Variants in FGF22 observed in about 807,000 individuals in gnomAD.
FGF22 encodes fibroblast growth factor 22, also known as FGF-22.
Under a neutral mutation model 10.3 loss-of-function variants are expected in FGF22, and 11 were observed. That is an observed-to-expected ratio of 1.07 (90% CI 0.67 to 1.77). The LOEUF is 1.77. FGF22 is among the 40% of genes most tolerant of loss of function. The pLI is 0.00. For synonymous variants in FGF22, 136 were observed against 122.1 expected, an observed-to-expected ratio of 1.11 and a Z score of -0.75; for missense variants, 317 against 273.2, an observed-to-expected ratio of 1.16 and a Z score of -1.13.
rs116641009 is a variant in FGF22, at chr19:641,028, C to T, written c.214+889C>T. 8.2e-4 allele frequency: 311 copies of T among 378,358 alleles called. 1 individual carries two copies. The highest frequency in any genetic ancestry group is 5.9e-3 in the African/African-American group (284 of 48,196). 23.4% of individuals were successfully genotyped at this position (378,358 alleles called of 1,614,324 possible). On this transcript the variant is annotated intron_variant, in intron 1 of 2. Coordinates refer to ENST00000215530, the Ensembl canonical transcript of FGF22. Reference sequence around the variant, plus strand: ...TCGGGCCGGGGCAGAGGCCTGGCTCCGCTGCCTGACCTGGAACAGTCTCTG... The same window carrying T: ...TCGGGCCGGGGCAGAGGCCTGGCTCTGCTGCCTGACCTGGAACAGTCTCTG...
At chr19:643,476 T>C in exon 3 of FGF22, 3 of 1,611,320 alleles carry the variant, frequency 1.9e-6, no homozygotes, top group Non-Finnish European at 1.7e-6. Context: ...CACCTACGCC[T>C]CACAGCGCTG....
chr19:642,078 C>G (rs969518673), intron 1 of FGF22, among the ~76,000 whole-genome samples: 3 of 152,206 alleles, frequency 2.0e-5, no homozygotes, highest in Non-Finnish European at 4.4e-5. Context: ...GGCATACAGT[C>G]GGCGCTCAAG....
In FGF22 at chr19:643,218, A is replaced by AC; in HGVS notation, c.215-12dup. Reference sequence around the variant, plus strand: ...GGGTGAGCCAGCAAGGCCCTCCCCGACCCCCGCCTCCCCCAGGCATCCTGG... The same window carrying AC: ...GGGTGAGCCAGCAAGGCCCTCCCCGACCCCCCGCCTCCCCCAGGCATCCTGG... On this transcript the variant is annotated splice_polypyrimidine_tract_variant and intron_variant, in intron 1 of 2. Coordinates refer to ENST00000215530, the Ensembl canonical transcript of FGF22. 6.9e-7 allele frequency: 1 copy of AC among 1,449,700 alleles called. No homozygotes were observed. The highest frequency in any genetic ancestry group is 9.2e-7 in the Non-Finnish European group (1 of 1,091,348). The allele number at this position is 1,449,700 out of a possible 1,614,324, so 89.8% of individuals were successfully genotyped here. A position where few individuals can be genotyped will look rare whatever the true frequency, so the allele number is the denominator to read the frequency against.
intron 1 of FGF22, chr19:640,967 G>A (rs1600614217): frequency 5.7e-6 from 2 of 353,330 alleles, no homozygotes; most frequent in South Asian, 4.1e-5. Context: ...GGCTGGGCCG[G>A]TCCATCCATG....
At chr19:641,195 G>A (rs1386070788) in intron 1 of FGF22, 1 of 456,554 alleles carries the variant, frequency 2.2e-6, no homozygotes, top group East Asian at 6.9e-5. Context: ...ACCCAGTGGT[G>A]ACAGAGACGC....
chr19:641,640 G>A (rs1985906613), intron 1 of FGF22: 1 of 202,380 alleles, frequency 4.9e-6, no homozygotes, highest in African/African-American at 2.3e-5. Flanking sequence ...GCGCAGAACA[G>A]TGAACGGCGG....
At position 643,230 on chromosome 19, in the gene FGF22, C is replaced by T; in HGVS notation, c.215-5C>T. 1.3e-6 allele frequency: 2 copies of T among 1,589,206 alleles called. No homozygotes were observed. Among genetic ancestry groups the T allele is most frequent in the Non-Finnish European group, 1.7e-6 (2 of 1,168,328 alleles). ...AAGGCCCTCCCCGACCCCCGCCTCCCCCAGGCATCCTGGAGATCCGCTCTG... is the reference window on the plus strand; with the variant it reads ...AAGGCCCTCCCCGACCCCCGCCTCCTCCAGGCATCCTGGAGATCCGCTCTG... On this transcript the variant is annotated splice_polypyrimidine_tract_variant and splice_region_variant and intron_variant, in intron 1 of 2. Transcript: ENST00000215530.
chr19:643,247 T>C, exon 2 of FGF22: 1 of 1,611,124 alleles, frequency 6.2e-7, no homozygotes, highest in Non-Finnish European at 8.5e-7. Context: ...ATCCTGGAGA[T>C]CCGCTCTGTA....
rs550945915 is a variant in FGF22 at position 641,465 on chromosome 19, C to G, written c.214+1326C>G. 149 of 341,198 alleles carry G rather than the reference C, an allele frequency of 4.4e-4. 1 individual carries two copies. The highest frequency in any genetic ancestry group is 2.1e-3 in the Admixed American group (57 of 27,078). 21.1% of individuals were successfully genotyped at this position (341,198 alleles called of 1,614,324 possible). On this transcript the variant is annotated intron_variant, in intron 1 of 2. Coordinates refer to ENST00000215530, the Ensembl canonical transcript of FGF22. Reference sequence around the variant, plus strand: ...TGGCGGGCGCCTGTAGTCCCAGCTACTCGGGAGGCTGAGGCAGGAGAATGA... The same window carrying G: ...TGGCGGGCGCCTGTAGTCCCAGCTAGTCGGGAGGCTGAGGCAGGAGAATGA...
chr19:641,501 G>A (rs1230085615), intron 1 of FGF22: 2 of 321,996 alleles, frequency 6.2e-6, no homozygotes, highest in Admixed American at 7.7e-5. Flanking sequence ...CGTGAAGCCG[G>A]GAGGTGGAGC....
exon 3 of FGF22, chr19:643,600 C>T: frequency 2.0e-6 from 3 of 1,523,680 alleles, no homozygotes; most frequent in Non-Finnish European, 1.8e-6. Flanking sequence ...GTCCTGGTCT[C>T]CTGAGGCCCT....
rs1163364498 is a variant in FGF22, at chr19:639,959, C to G, written c.34C>G (p.Leu12Val). 133 of 1,252,018 alleles carry G rather than the reference C, an allele frequency of 1.1e-4. No homozygotes were observed. Among genetic ancestry groups the G allele is most frequent in the Non-Finnish European group, 1.3e-4 (126 of 1,001,634 alleles). The allele number at this position is 1,252,018 out of a possible 1,614,324, so 77.6% of individuals were successfully genotyped here. Residue 12 changes from leucine (L) to valine (V), a missense_variant, in exon 1 of 3, where the codon CTG becomes GTG. Physicochemically the swap from Leu to Val is conservative, Grantham distance 32 (BLOSUM62 1). Coordinates refer to ENST00000215530, the Ensembl canonical transcript of FGF22. ...CCGCCTGTGGCTGGGCCTGGCCTGG[C>G]TGCTGCTGGCGCGGGCGCCGGACGC...
rs527353913 is a variant in FGF22 at position 643,528 on chromosome 19, G to A, written c.437G>A (p.Arg146Lys). 60 of 1,583,974 alleles carry A rather than the reference G, an allele frequency of 3.8e-5. No homozygotes were observed. Among genetic ancestry groups the A allele is most frequent in the African/African-American group, 5.4e-5 (4 of 74,308 alleles). ...CCCATGTTCCTGGCGCTGGACAGGA[G>A]GGGGGGGCCCCGGCCAGGCGGCCGG... Residue 146 changes from arginine (R) to lysine (K), a missense_variant, in exon 3 of 3, where the codon AGG (arginine) becomes AAG (lysine). Arg to Lys is a conservative substitution (Grantham distance 26, BLOSUM62 2). Transcript: ENST00000215530.
intron 1 of FGF22, among the ~76,000 whole-genome samples, chr19:641,798 T>G (rs1250166723): frequency 6.6e-6 from 1 of 151,898 alleles, no homozygotes; most frequent in Non-Finnish European, 1.5e-5. Context: ...CCGAGGAGCT[T>G]TCACTTTGAC....
chr19:643,345 G>A lies in FGF22; in HGVS notation c.318+7G>A, dbSNP rs1265631912. The stretch of plus-strand genomic sequence containing the variant: ...GGGCCGCCTCTACGGGTCGGTGAGT[G>A]CCGGGCAGGGCTGGGCGGCGCGGGC... On this transcript the variant is annotated splice_region_variant and intron_variant, in intron 2 of 2. Coordinates refer to ENST00000215530, the Ensembl canonical transcript of FGF22. 3.7e-6 allele frequency: 6 copies of A among 1,607,298 alleles called. No individual in the cohort carries two copies. The highest frequency in any genetic ancestry group is 3.3e-5 in the Admixed American group (2 of 59,720).
rs914412166 is a variant in FGF22 at position 643,652 on chromosome 19, G to A, written c.*48G>A. On this transcript the variant is annotated 3_prime_UTR_variant, in exon 3 of 3. Coordinates refer to ENST00000215530, the Ensembl canonical transcript of FGF22. ...CCCAAGGTGCCTGGGCTGGTGGCGA[G>A]GGGCCCGGCCACGCTTGTTCTTCCC... 1.4e-5 allele frequency: 19 copies of A among 1,407,384 alleles called. No homozygotes were observed. In the African/African-American group the frequency reaches 1.7e-4, roughly 13 times the overall value. 87.2% of individuals were successfully genotyped at this position (1,407,384 alleles called of 1,614,324 possible).
At chr19:640,829 CG>C (rs1985874299) in intron 1 of FGF22, 1 of 223,498 alleles carries the variant, frequency 4.5e-6, no homozygotes, top group African/African-American at 2.3e-5. Context: ...GAAGGGGGCC[CG>C]GGCCCGCTGG....
At position 643,249 on chromosome 19, in the gene FGF22, C is replaced by A. The variant is rs150121578; in HGVS notation, c.229C>A (p.Arg77Ser). 20 of 1,611,230 alleles carry A rather than the reference C, an allele frequency of 1.2e-5. No individual in the cohort carries two copies. In the South Asian group the frequency reaches 2.1e-4, roughly 17 times the overall value. ...GCCTCCCCCAGGCATCCTGGAGATC[C>A]GCTCTGTACACGTGGGCGTCGTGGT... The change falls in exon 2 of 3, where the codon CGC becomes AGC. Residue 77 changes from arginine (R) to serine (S), a missense_variant. Transcript: ENST00000215530.
exon 3 of FGF22, chr19:643,514 G>A: frequency 6.2e-7 from 1 of 1,608,976 alleles, no homozygotes; most frequent in Non-Finnish European, 8.5e-7. Flanking sequence ...CCATGTTCCT[G>A]GCGCTGGACA....
Sources: allele counts gnomAD v4.1 joint callset (sites outside exome capture counted in the v4.1 genomes callset), GRCh38; gene constraint gnomAD v4.1.1; transcripts MANE v1.5; gene names NCBI Gene and HGNC (gene_info 2026-07-23, HGNC 2026-07-21).